Variants in MACROD2 observed in about 807,000 individuals in gnomAD.
MACROD2 encodes ADP-ribose glycohydrolase MACROD2.
MACROD2 carries 36 observed loss-of-function variants against 70.4 expected under a neutral mutation model. The observed-to-expected ratio is 0.51, with a 90% CI of 0.39 to 0.68. The LOEUF (loss-of-function observed/expected upper bound fraction) is 0.68, where lower values mean the gene tolerates loss of function less well. MACROD2 is among the 30% of genes least tolerant of loss of function. The probability of loss-of-function intolerance (pLI) is 0.00; values close to 1 mark genes in which losing one functional copy is unlikely to be tolerated. For synonymous variants in MACROD2, 172 were observed against 178.8 expected (o/e 0.96, Z 0.30); for missense variants, 496 against 538.4 (o/e 0.92, Z 0.78).
At chr20:14,481,077 C>G (rs949463336) in intron 3 of MACROD2, among the ~76,000 whole-genome samples, 1 of 151,956 alleles carries the variant, frequency 6.6e-6, no homozygotes, top group Non-Finnish European at 1.5e-5. Context: ...CGATAGAAAA[C>G]TTAGGACAAA....
At chr20:14,610,171 A>G (rs940695605) in intron 4 of MACROD2, among the ~76,000 whole-genome samples, 9 of 152,172 alleles carry the variant, frequency 5.9e-5, no homozygotes, top group Admixed American at 3.3e-4. Context: ...TGGGTCATTT[A>G]GTTTGGAAAG....
At chr20:14,982,655 T>C (rs1219150995) in intron 5 of MACROD2, among the ~76,000 whole-genome samples, 1 of 152,214 alleles carries the variant, frequency 6.6e-6, no homozygotes, top group Non-Finnish European at 1.5e-5. Context: ...CACATGGTGT[T>C]GAGCCTTGTG....
At chr20:14,135,951 C>T (rs1385404845) in intron 3 of MACROD2, among the ~76,000 whole-genome samples, 1 of 152,118 alleles carries the variant, frequency 6.6e-6, no homozygotes, top group Non-Finnish European at 1.5e-5. Context: ...TGTCCATGCT[C>T]ACCATTTCAA....
intron 5 of MACROD2, among the ~76,000 whole-genome samples, chr20:14,909,474 G>T (rs185926224): frequency 1.2e-4 from 19 of 152,030 alleles, no homozygotes; most frequent in African/African-American, 4.3e-4. Context: ...GCTGACACTG[G>T]TTAACACTTG....
At chr20:15,845,888 C>G (rs1393223958) in intron 8 of MACROD2, among the ~76,000 whole-genome samples, 1 of 152,164 alleles carries the variant, frequency 6.6e-6, no homozygotes, top group East Asian at 1.9e-4. Flanking sequence ...CAATCCCACA[C>G]ACAAAACTGT....
At chr20:15,130,927 G>A (rs370178845) in intron 5 of MACROD2, among the ~76,000 whole-genome samples, 1 of 152,094 alleles carries the variant, frequency 6.6e-6, no homozygotes, top group East Asian at 1.9e-4. Context: ...TCCCAATAAA[G>A]TGAAGCAGAC....
intron 3 of MACROD2, among the ~76,000 whole-genome samples, chr20:14,393,876 T>A (rs1332512586): frequency 6.6e-6 from 1 of 152,144 alleles, no homozygotes; most frequent in Non-Finnish European, 1.5e-5. Flanking sequence ...TATGTTAGGA[T>A]TACTGTCCTT....
At chr20:15,759,086 T>C (rs905252358) in intron 8 of MACROD2, among the ~76,000 whole-genome samples, 6 of 138,834 alleles carry the variant, frequency 4.3e-5, no homozygotes, top group Non-Finnish European at 9.0e-5. Context: ...GTGGAAGTTG[T>C]AGTGAGCCAA....
chr20:14,043,199 T>C (rs1391424091), intron 2 of MACROD2, among the ~76,000 whole-genome samples: 2 of 152,132 alleles, frequency 1.3e-5, no homozygotes, highest in Non-Finnish European at 2.9e-5. Flanking sequence ...GGATTACAGG[T>C]GAGAGCCACT....
intron 15 of MACROD2, among the ~76,000 whole-genome samples, chr20:15,990,134 A>G (rs1484716732): frequency 2.0e-5 from 3 of 152,162 alleles, no homozygotes; most frequent in Non-Finnish European, 4.4e-5. Flanking sequence ...GGTTTCACAT[A>G]TGGCAGCTTT....
chr20:15,662,716 T>G (rs538878618), intron 8 of MACROD2, among the ~76,000 whole-genome samples: 11 of 33,050 alleles, frequency 3.3e-4, no homozygotes, highest in South Asian at 1.1e-3. Context: ...TCAGAGAGGG[T>G]TTTTTTTTTT....
At chr20:14,544,211 T>C (rs1175367178) in intron 4 of MACROD2, among the ~76,000 whole-genome samples, 1 of 149,836 alleles carries the variant, frequency 6.7e-6, no homozygotes. Flanking sequence ...ATTAAGTAGC[T>C]GAAATAAAAA....
Position 15,947,376 on chromosome 20 carries a change from A to C in MACROD2, c.907+9832A>C, listed in dbSNP as rs141348467. On this transcript the variant is annotated intron_variant, in intron 12 of 17. Coordinates refer to ENST00000684519, the MANE Select transcript of MACROD2 (RefSeq NM_001351661.2). ...AGGTCCCTGCGGCTTTCCACAGTGC[A>C]TTGTGCCCCTGGTTTATTGAGACTG... Among the ~76,000 whole-genome samples, 925 of 152,256 alleles carry C rather than the reference A, an allele frequency of 6.1e-3. 14 individuals are homozygous for C. Among genetic ancestry groups the C allele is most frequent in the African/African-American group, 0.021 (877 of 41,562 alleles).
intron 4 of MACROD2, among the ~76,000 whole-genome samples, chr20:14,574,262 A>C (rs1980415904): frequency 6.6e-6 from 1 of 152,022 alleles, no homozygotes; most frequent in South Asian, 2.1e-4. Flanking sequence ...CTGGACTTCC[A>C]CTTGAATTTT....
chr20:15,512,657 AC>A (rs1369558827), intron 8 of MACROD2, among the ~76,000 whole-genome samples: 1 of 152,080 alleles, frequency 6.6e-6, no homozygotes, highest in Non-Finnish European at 1.5e-5. Context: ...TCCGGTTGGT[AC>A]CCTGTTGTCC....
At chr20:14,028,534 C>T (rs2053206740) in intron 2 of MACROD2, among the ~76,000 whole-genome samples, 1 of 152,176 alleles carries the variant, frequency 6.6e-6, no homozygotes, top group South Asian at 2.1e-4. Context: ...GTGCTTGAAA[C>T]CCAGGGCCCT....
rs565756330 is a variant in MACROD2, at chr20:15,296,485, A to C, written c.540+66424A>C. On this transcript the variant is annotated intron_variant, in intron 6 of 17. Transcript: ENST00000684519. ...ATAATTATATGATGTTTCTGTGGTCAAAAACAAACATAAAGACCAAATTTG... is the reference window on the plus strand; with the variant it reads ...ATAATTATATGATGTTTCTGTGGTCCAAAACAAACATAAAGACCAAATTTG... 2.0e-5 allele frequency among the ~76,000 whole-genome samples: 3 copies of C among 152,300 alleles called. No homozygotes were observed. The South Asian group carries it at 6.2e-4, about 32-fold the overall frequency.
chr20:14,197,500 G>A (rs1313546160), intron 3 of MACROD2, among the ~76,000 whole-genome samples: 2 of 152,216 alleles, frequency 1.3e-5, no homozygotes, highest in African/African-American at 4.8e-5. Context: ...TGGCATGGTT[G>A]CTCATGCCTG....
intron 5 of MACROD2, among the ~76,000 whole-genome samples, chr20:14,685,463 A>G (rs1272110684): frequency 6.6e-6 from 1 of 152,234 alleles, no homozygotes; most frequent in Admixed American, 6.5e-5. Context: ...GGAAAAGCCA[A>G]CGAAATCTGG....
Sources: allele counts gnomAD v4.1 joint callset (sites outside exome capture counted in the v4.1 genomes callset), GRCh38; gene constraint gnomAD v4.1.1; transcripts MANE v1.5; gene names NCBI Gene and HGNC (gene_info 2026-07-23, HGNC 2026-07-21).